Variants in UBE2E2 observed in about 807,000 individuals in gnomAD.
The protein encoded by UBE2E2 is ubiquitin-conjugating enzyme E2 E2.
In UBE2E2, 6 loss-of-function variants were observed where a neutral mutation model predicts 24.7. The observed-to-expected ratio is 0.24, with a 90% CI of 0.13 to 0.48. The LOEUF (loss-of-function observed/expected upper bound fraction) is 0.48, where lower values mean the gene tolerates loss of function less well. UBE2E2 is among the 20% of genes least tolerant of loss of function. The pLI, the probability that UBE2E2 is intolerant of heterozygous loss-of-function variation, is 0.99. For missense variants in UBE2E2, 169 were observed against 245.0 expected, an observed-to-expected ratio of 0.69 and a Z score of 2.07; for synonymous variants, 104 against 83.6, an observed-to-expected ratio of 1.24 and a Z score of -1.33.
intron 3 of UBE2E2, among the ~76,000 whole-genome samples, chr3:23,489,255 T>C (rs1699445274): frequency 6.6e-6 from 1 of 152,260 alleles, no homozygotes; most frequent in African/African-American, 2.4e-5. Flanking sequence ...TAATATATAA[T>C]GAAATAATTA....
intron 3 of UBE2E2, among the ~76,000 whole-genome samples, chr3:23,265,339 C>T (rs1698017922): frequency 6.6e-6 from 1 of 152,098 alleles, no homozygotes; most frequent in African/African-American, 2.4e-5. Flanking sequence ...TCAGTTCCCT[C>T]ACCCTCCCCA....
At chr3:23,554,798 GA>G (rs919204384) in intron 5 of UBE2E2, among the ~76,000 whole-genome samples, 9 of 151,586 alleles carry the variant, frequency 5.9e-5, no homozygotes, top group African/African-American at 2.2e-4. Flanking sequence ...TACAGACTGG[GA>G]AAAAAATATT....
chr3:23,434,248 T>G (rs1423582322), intron 3 of UBE2E2, among the ~76,000 whole-genome samples: 1 of 152,106 alleles, frequency 6.6e-6, no homozygotes, highest in Non-Finnish European at 1.5e-5. Flanking sequence ...AAATACTTAT[T>G]GAATGTGGTA....
chr3:23,221,450 A>T (rs188981522), intron 3 of UBE2E2, among the ~76,000 whole-genome samples: 33 of 151,848 alleles, frequency 2.2e-4, no homozygotes, highest in Admixed American at 1.8e-3. Context: ...CTCCTTCCCC[A>T]TTTTCCCCCA....
At chr3:23,353,254 C>A (rs1488481035) in intron 3 of UBE2E2, among the ~76,000 whole-genome samples, 1 of 152,012 alleles carries the variant, frequency 6.6e-6, no homozygotes, top group East Asian at 1.9e-4. Flanking sequence ...TAAGAGCTAT[C>A]TATGACAAAC....
intron 4 of UBE2E2, among the ~76,000 whole-genome samples, chr3:23,531,608 G>T (rs569679599): frequency 1.0e-3 from 153 of 151,968 alleles, no homozygotes; most frequent in Middle Eastern, 6.8e-3. Flanking sequence ...CTAATATTAC[G>T]TTTTAAAAAT....
intron 5 of UBE2E2, among the ~76,000 whole-genome samples, chr3:23,572,737 G>A (rs961766040): frequency 2.0e-5 from 3 of 152,198 alleles, no homozygotes; most frequent in Non-Finnish European, 2.9e-5. Flanking sequence ...ATTGCTGCAT[G>A]CTATCCCATG....
intron 3 of UBE2E2, among the ~76,000 whole-genome samples, chr3:23,411,265 G>A (rs1037400763): frequency 1.3e-5 from 2 of 152,184 alleles, no homozygotes; most frequent in Non-Finnish European, 2.9e-5. Context: ...CAGTTTGGCT[G>A]ATGATTGGGA....
chr3:23,455,332 G>A (rs570333819), intron 3 of UBE2E2, among the ~76,000 whole-genome samples: 2 of 152,246 alleles, frequency 1.3e-5, no homozygotes, highest in African/African-American at 4.8e-5. Flanking sequence ...GTTTCCCAGT[G>A]CATCCAAAAA....
chr3:23,416,006 G>A (rs1439171508), intron 3 of UBE2E2, among the ~76,000 whole-genome samples: 2 of 151,960 alleles, frequency 1.3e-5, no homozygotes, highest in African/African-American at 2.4e-5. Context: ...TTGGTTTTCT[G>A]TCCCCATGTT....
chr3:23,243,274 A>G (rs1490599900), intron 3 of UBE2E2, among the ~76,000 whole-genome samples: 1 of 152,184 alleles, frequency 6.6e-6, no homozygotes, highest in African/African-American at 2.4e-5. Context: ...AAACAATACT[A>G]CTACTAATAC....
At chr3:23,514,155 T>G (rs1239158647) in intron 4 of UBE2E2, among the ~76,000 whole-genome samples, 2 of 152,220 alleles carry the variant, frequency 1.3e-5, no homozygotes, top group Admixed American at 1.3e-4. Flanking sequence ...TGGAACATGT[T>G]TGATCCAGTT....
chr3:23,449,863 C>G (rs1482970623), intron 3 of UBE2E2: 1 of 985,312 alleles, frequency 1.0e-6, no homozygotes, highest in Non-Finnish European at 1.2e-6. Context: ...GGCAGAAACC[C>G]CAGCCCTATA....
At position 23,257,705 on chromosome 3, in the gene UBE2E2, C is replaced by T. The variant is rs186958030; in HGVS notation, c.227+40393C>T. Among the ~76,000 whole-genome samples, 3 of 151,660 alleles carry T rather than the reference C, an allele frequency of 2.0e-5. No homozygotes were observed. In the East Asian group the frequency reaches 5.8e-4, roughly 29 times the overall value. On this transcript the variant is annotated intron_variant, in intron 3 of 5. Transcript: ENST00000396703. ...TTTTGGTTCATGGTACATTTGAAAC[C>T]AAAACATACCCAATATCTAGTCATA...
chr3:23,245,237 A>G (rs148464527), intron 3 of UBE2E2, among the ~76,000 whole-genome samples: 1 of 152,288 alleles, frequency 6.6e-6, no homozygotes, highest in Non-Finnish European at 1.5e-5. Flanking sequence ...AAAAGAGGGT[A>G]TATAATTGAT....
At chr3:23,498,851 C>G (rs778663467) in intron 3 of UBE2E2, among the ~76,000 whole-genome samples, 4 of 151,998 alleles carry the variant, frequency 2.6e-5, no homozygotes, top group Non-Finnish European at 5.9e-5. Flanking sequence ...ACAATTCACT[C>G]GACTCATGTG....
intron 3 of UBE2E2, among the ~76,000 whole-genome samples, chr3:23,307,229 C>G (rs779069024): frequency 1.4e-4 from 21 of 152,062 alleles, no homozygotes; most frequent in African/African-American, 3.6e-4. Flanking sequence ...CTGTCAATGT[C>G]TTCTCTTTCT....
chr3:23,267,502 C>A (rs1269604248), intron 3 of UBE2E2, among the ~76,000 whole-genome samples: 1 of 152,044 alleles, frequency 6.6e-6, no homozygotes, highest in African/African-American at 2.4e-5. Context: ...AAGACTAAAC[C>A]AGGAAGAAGT....
intron 3 of UBE2E2, among the ~76,000 whole-genome samples, chr3:23,462,086 T>C (rs1698815218): frequency 6.6e-6 from 1 of 152,198 alleles, no homozygotes; most frequent in Non-Finnish European, 1.5e-5. Context: ...TAATATAAGG[T>C]TAATATCATT....
Sources: gnomAD v4.1 joint callset for allele counts (sites outside exome capture counted in the v4.1 genomes callset) on GRCh38, gnomAD v4.1.1 for gene constraint, MANE v1.5 for transcripts, NCBI Gene and HGNC (gene_info 2026-07-23, HGNC 2026-07-21) for gene names.